BBS9: variants seen among roughly 807,000 people sequenced by gnomAD.
BBS9 encodes the protein Bardet-Biedl syndrome 9.
A neutral mutation model predicts 117.7 loss-of-function variants in BBS9; 89 were observed. The observed-to-expected ratio is 0.76, with a 90% CI of 0.64 to 0.90. BBS9 has a LOEUF of 0.90. BBS9 is among the 40% of genes least tolerant of loss of function. The pLI, the probability that BBS9 is intolerant of heterozygous loss-of-function variation, is 0.00. For missense variants in BBS9, 982 were observed against 1,042.2 expected, an observed-to-expected ratio of 0.94 and a Z score of 0.80; for synonymous variants, 379 against 370.9, an observed-to-expected ratio of 1.02 and a Z score of -0.25.
At chr7:33,419,736 A>C (rs972736424) in intron 19 of BBS9, among the ~76,000 whole-genome samples, 1 of 152,160 alleles carries the variant, frequency 6.6e-6, no homozygotes, top group Non-Finnish European at 1.5e-5. Flanking sequence ...TTATTTGATA[A>C]TCTGTATACT....
chr7:33,137,341 G>A (rs982743435), intron 1 of BBS9, among the ~76,000 whole-genome samples: 3 of 152,144 alleles, frequency 2.0e-5, no homozygotes, highest in African/African-American at 7.2e-5. Flanking sequence ...CGACAGTGCA[G>A]GGATGCTTGG....
intron 19 of BBS9, among the ~76,000 whole-genome samples, chr7:33,470,368 T>A (rs546892950): frequency 4.6e-5 from 7 of 152,190 alleles, no homozygotes; most frequent in East Asian, 1.9e-4. Flanking sequence ...TTTTATTTTT[T>A]AAAAAAATCA....
At chr7:33,374,870 C>T (rs1334515845) in intron 17 of BBS9, among the ~76,000 whole-genome samples, 2 of 137,934 alleles carry the variant, frequency 1.4e-5, no homozygotes, top group Admixed American at 8.0e-5. Context: ...CATTGCACTC[C>T]AGCCTGGGCG....
intron 9 of BBS9, among the ~76,000 whole-genome samples, chr7:33,334,626 G>A (rs1328608482): frequency 6.6e-6 from 1 of 152,078 alleles, no homozygotes; most frequent in African/African-American, 2.4e-5. Context: ...GGTACTCTGG[G>A]GTTGCTTTTC....
At chr7:33,598,321 T>C (rs1408515778) in intron 21 of BBS9, among the ~76,000 whole-genome samples, 1 of 151,576 alleles carries the variant, frequency 6.6e-6, no homozygotes, top group African/African-American at 2.4e-5. Flanking sequence ...TATCATGCAA[T>C]ATACCTGACC....
At chr7:33,183,029 T>TC (rs536695313) in intron 5 of BBS9, among the ~76,000 whole-genome samples, 16 of 152,134 alleles carry the variant, frequency 1.1e-4, no homozygotes, top group African/African-American at 3.9e-4. Context: ...GAGCTGAGTG[T>TC]CCCCCCATAA....
intron 21 of BBS9, among the ~76,000 whole-genome samples, chr7:33,629,327 C>G (rs1865782318): frequency 6.6e-6 from 1 of 152,062 alleles, no homozygotes; most frequent in South Asian, 2.1e-4. Flanking sequence ...CTAAAATACT[C>G]TTGTGTGAGC....
At chr7:33,245,833 T>C (rs1295920814) in intron 5 of BBS9, among the ~76,000 whole-genome samples, 2 of 152,158 alleles carry the variant, frequency 1.3e-5, no homozygotes, top group Non-Finnish European at 2.9e-5. Flanking sequence ...TTTAAGGACT[T>C]AAGATATAAG....
chr7:33,499,172 A>G (rs1417968509), intron 19 of BBS9, among the ~76,000 whole-genome samples: 2 of 152,268 alleles, frequency 1.3e-5, no homozygotes, highest in African/African-American at 4.8e-5. Flanking sequence ...AAGAAGTGGC[A>G]TGGATAATTC....
At chr7:33,456,560 A>C (rs1838681053) in intron 19 of BBS9, among the ~76,000 whole-genome samples, 1 of 151,948 alleles carries the variant, frequency 6.6e-6, no homozygotes, top group South Asian at 2.1e-4. Flanking sequence ...GTTGTTTTTG[A>C]GTTAAAAAAA....
intron 19 of BBS9, among the ~76,000 whole-genome samples, chr7:33,489,306 T>C (rs1843572587): frequency 6.6e-6 from 1 of 150,812 alleles, no homozygotes. Flanking sequence ...GACAGACTTC[T>C]TTAAACAAAA....
intron 5 of BBS9, among the ~76,000 whole-genome samples, chr7:33,217,280 T>A (rs571426792): frequency 6.6e-6 from 1 of 152,014 alleles, no homozygotes; most frequent in Non-Finnish European, 1.5e-5. Flanking sequence ...CATATGTTGA[T>A]GTATTTATGG....
At chr7:33,585,853 C>G (rs1307422350) in intron 21 of BBS9, among the ~76,000 whole-genome samples, 1 of 151,944 alleles carries the variant, frequency 6.6e-6, no homozygotes, top group Non-Finnish European at 1.5e-5. Context: ...CTGTGTTTCT[C>G]TCACTACTGC....
intron 19 of BBS9, among the ~76,000 whole-genome samples, chr7:33,388,817 TATA>T (rs1826508645): frequency 6.6e-6 from 1 of 152,208 alleles, no homozygotes; most frequent in African/African-American, 2.4e-5. Flanking sequence ...CCAGTTCTGT[TATA>T]ATGTCTTTGA....
rs1817530776 is a variant in BBS9, at chr7:33,346,075, A to G, written c.1329+1441A>G. Among the ~76,000 whole-genome samples, 2 of 152,198 alleles carry G rather than the reference A, an allele frequency of 1.3e-5. 1 individual carries two copies. Among genetic ancestry groups the G allele is most frequent in the African/African-American group, 4.8e-5 (2 of 41,454 alleles). ...AGTCACAACTGTCTTTCTCATTGCC[A>G]TTATAAAAGCATGAGAAAGAATGCA... is the stretch of plus-strand genomic sequence containing the variant. On this transcript the variant is annotated intron_variant, in intron 12 of 22. Coordinates refer to ENST00000242067, the MANE Select transcript of BBS9 (RefSeq NM_198428.3).
Position 33,146,409 on chromosome 7 carries a change from G to C in BBS9, c.112+45G>C, listed in dbSNP as rs370018524. 7 of 1,482,706 alleles carry C rather than the reference G, an allele frequency of 4.7e-6. No homozygotes were observed. The African/African-American group carries it at 8.3e-5, about 18-fold the overall frequency. 91.8% of individuals were successfully genotyped at this position (1,482,706 alleles called of 1,614,324 possible). ...ACATCTTGGATGAAAGTTTTAAAGA[G>C]ATCAAATAAGACTGGGCACGGTGGC... is the stretch of plus-strand genomic sequence containing the variant. On this transcript the variant is annotated intron_variant, in intron 2 of 22. Coordinates refer to ENST00000242067, the MANE Select transcript of BBS9 (RefSeq NM_198428.3).
intron 9 of BBS9, among the ~76,000 whole-genome samples, chr7:33,332,416 C>T (rs1340047554): frequency 6.6e-6 from 1 of 152,282 alleles, no homozygotes; most frequent in East Asian, 1.9e-4. Context: ...GTGGGGCTCA[C>T]GCCTGTAATC....
chr7:33,431,417 C>T (rs1834436858), intron 19 of BBS9, among the ~76,000 whole-genome samples: 1 of 152,056 alleles, frequency 6.6e-6, no homozygotes, highest in Admixed American at 6.6e-5. Flanking sequence ...ATGTTTGTGC[C>T]CTTCCCACCA....
chr7:33,330,206 G>A (rs1813734675), intron 9 of BBS9, among the ~76,000 whole-genome samples: 2 of 151,882 alleles, frequency 1.3e-5, no homozygotes, highest in South Asian at 4.2e-4. Flanking sequence ...GTAGAGATGG[G>A]GTTTTACCGT....
Sources: gnomAD v4.1 joint callset for allele counts (sites outside exome capture counted in the v4.1 genomes callset) on GRCh38, gnomAD v4.1.1 for gene constraint, MANE v1.5 for transcripts, NCBI Gene and HGNC (gene_info 2026-07-23, HGNC 2026-07-21) for gene names.